PRKN: variants seen among roughly 807,000 people sequenced by gnomAD.
The protein encoded by PRKN is E3 ubiquitin-protein ligase parkin.
In PRKN, 56 loss-of-function variants were observed where a neutral mutation model predicts 59.5. The ratio of observed to expected loss-of-function variants is 0.94; its 90% CI spans 0.76 to 1.18. The LOEUF (loss-of-function observed/expected upper bound fraction) is 1.18. Ranked by LOEUF, PRKN falls within the 50% of genes most tolerant of loss-of-function variation. PRKN has a pLI of 0.00. For synonymous variants in PRKN, 250 were observed against 222.1 expected (o/e 1.13, Z -1.12); for missense variants, 657 against 596.4 (o/e 1.10, Z -1.06).
intron 9 of PRKN, among the ~76,000 whole-genome samples, chr6:161,519,458 T>A (rs1042696106): frequency 4.6e-5 from 7 of 152,032 alleles, no homozygotes; most frequent in African/African-American, 1.7e-4. Flanking sequence ...TAGTAACATA[T>A]CTCCCTCCAA....
At position 161,588,071 on chromosome 6, in the gene PRKN, T is replaced by C. The variant is rs758901952; in HGVS notation, c.872-18655A>G. Among the ~76,000 whole-genome samples, 2 of 152,196 alleles carry C rather than the reference T, an allele frequency of 1.3e-5. No homozygotes were observed. The highest frequency in any genetic ancestry group is 4.8e-5 in the African/African-American group (2 of 41,456). ...TAATAAGACCATGTCAATAGAGCGTTAATTATTAGGATTAAAAATTTACTC... is the reference window on the plus strand; with the variant it reads ...TAATAAGACCATGTCAATAGAGCGTCAATTATTAGGATTAAAAATTTACTC... On this transcript the variant is annotated intron_variant, in intron 7 of 11. Transcript: ENST00000366898. The surrounding 1 kb of genome is among the most constrained non-coding windows in gnomAD (Gnocchi z 5.0).
intron 6 of PRKN, among the ~76,000 whole-genome samples, chr6:161,869,199 C>T (rs540209858): frequency 6.6e-6 from 1 of 152,040 alleles, no homozygotes; most frequent in South Asian, 2.1e-4. Context: ...GCCAACATGA[C>T]GAAACCCCAT....
intron 2 of PRKN, among the ~76,000 whole-genome samples, chr6:162,341,421 G>T (rs1422214730): frequency 2.6e-5 from 4 of 152,192 alleles, no homozygotes; most frequent in African/African-American, 9.6e-5. Context: ...ATACCCAAAG[G>T]ATTATAAATC....
intron 4 of PRKN, among the ~76,000 whole-genome samples, chr6:162,057,614 T>C (rs1777918232): frequency 1.3e-5 from 2 of 152,210 alleles, no homozygotes. Flanking sequence ...TAAATGTGGC[T>C]AGAATGCAGT....
chr6:161,715,711 A>C (rs930469360), intron 7 of PRKN, among the ~76,000 whole-genome samples: 1 of 152,134 alleles, frequency 6.6e-6, no homozygotes, highest in African/African-American at 2.4e-5. Flanking sequence ...GTTAAATCTC[A>C]GCTGACAGAG....
chr6:161,481,282 G>A (rs1208858011), intron 9 of PRKN, among the ~76,000 whole-genome samples: 1 of 152,108 alleles, frequency 6.6e-6, no homozygotes, highest in East Asian at 1.9e-4. Flanking sequence ...ACCCAGTACA[G>A]GGGGCAGAAG....
rs10602359 is a variant in PRKN at position 161,637,712 on chromosome 6, T to TA, written c.872-68297dup. Among the ~76,000 whole-genome samples the TA allele has an allele frequency of 1.6e-3, 236 of 147,906 alleles. 1 individual carries two copies. The highest frequency in any genetic ancestry group is 7.3e-3 in the South Asian group (34 of 4,638). The stretch of plus-strand genomic sequence containing the variant: ...AATAGACTCATTTGCCTTTTATCCT[T>TA]AAAAAAAAAAAAAAAAACTTACAGG... On this transcript the variant is annotated intron_variant, in intron 7 of 11. Transcript: ENST00000366898.
intron 7 of PRKN, among the ~76,000 whole-genome samples, chr6:161,740,543 G>C (rs115388722): frequency 6.6e-6 from 1 of 152,128 alleles, no homozygotes; most frequent in Non-Finnish European, 1.5e-5. Context: ...GGCCTCCCTC[G>C]GTCCCACGTC....
At chr6:162,177,212 T>C (rs1052069813) in intron 4 of PRKN, among the ~76,000 whole-genome samples, 2 of 152,110 alleles carry the variant, frequency 1.3e-5, no homozygotes, top group African/African-American at 2.4e-5. Flanking sequence ...TAGAATATTA[T>C]GCAGTCATAA....
intron 5 of PRKN, among the ~76,000 whole-genome samples, chr6:162,000,651 G>A (rs1345457918): frequency 2.6e-5 from 4 of 151,902 alleles, no homozygotes; most frequent in Admixed American, 2.6e-4. Flanking sequence ...GTTTTGTATT[G>A]TAATAAAATC....
Position 162,680,655 on chromosome 6 carries a change from A to AT in PRKN, c.7+47006dup, listed in dbSNP as rs113933688. ...TAAGATCATAAAGGCTTGTAAATCAATTTTTTTTAAAAACTAAAACATAAA... is the reference window on the plus strand; with the variant it reads ...TAAGATCATAAAGGCTTGTAAATCAATTTTTTTTTAAAAACTAAAACATAAA... On this transcript the variant is annotated intron_variant, in intron 1 of 11. Coordinates refer to ENST00000366898, the MANE Select transcript of PRKN (RefSeq NM_004562.3). 7.3e-3 allele frequency among the ~76,000 whole-genome samples: 1,106 copies of AT among 152,144 alleles called. 10 individuals are homozygous for AT. Among genetic ancestry groups the AT allele is most frequent in the African/African-American group, 0.018 (736 of 41,530 alleles).
At chr6:161,875,002 T>TATAAAGTATATAATATAATAA (rs1562356824) in intron 6 of PRKN, among the ~76,000 whole-genome samples, 1 of 83,606 alleles carries the variant, frequency 1.2e-5, no homozygotes, top group African/African-American at 6.2e-5. Flanking sequence ...ATATATAATA[T>TATAAAGTATATAATATAATAA]ATTATATATT....
intron 4 of PRKN, among the ~76,000 whole-genome samples, chr6:162,164,294 G>A (rs1176745529): frequency 1.3e-5 from 2 of 148,896 alleles, no homozygotes; most frequent in Non-Finnish European, 3.0e-5. Context: ...CACTATCTCG[G>A]CTCTGCAACC....
At chr6:161,543,411 C>T (rs1221271508) in intron 9 of PRKN, among the ~76,000 whole-genome samples, 4 of 152,094 alleles carry the variant, frequency 2.6e-5, no homozygotes, top group Non-Finnish European at 5.9e-5. Context: ...TTTAAGAAAA[C>T]CAATGCAAGA....
intron 1 of PRKN, among the ~76,000 whole-genome samples, chr6:162,546,351 C>T (rs1215273745): frequency 1.3e-5 from 2 of 151,994 alleles, no homozygotes; most frequent in African/African-American, 4.8e-5. Flanking sequence ...GATCCGCCTG[C>T]CTCGGTCTCC....
intron 6 of PRKN, among the ~76,000 whole-genome samples, chr6:161,897,898 C>T (rs113551342): frequency 0.02 from 2,630 of 132,998 alleles, 90 homozygotes; most frequent in African/African-American, 0.07. Context: ...ACCCGGGAGG[C>T]GGAGCTTGCA....
At chr6:162,106,113 G>A (rs931267777) in intron 4 of PRKN, among the ~76,000 whole-genome samples, 2 of 152,210 alleles carry the variant, frequency 1.3e-5, no homozygotes, top group Non-Finnish European at 2.9e-5. Flanking sequence ...GAATACATCA[G>A]AGTTAAAGTA....
At chr6:162,494,249 G>T (rs768720679) in intron 1 of PRKN, among the ~76,000 whole-genome samples, 1 of 152,162 alleles carries the variant, frequency 6.6e-6, no homozygotes, top group South Asian at 2.1e-4. Flanking sequence ...CAGCCTGGGC[G>T]TTGGCATCAG....
chr6:162,354,527 T>A (rs914169752), intron 2 of PRKN, among the ~76,000 whole-genome samples: 1 of 152,022 alleles, frequency 6.6e-6, no homozygotes, highest in African/African-American at 2.4e-5. Flanking sequence ...AAAATATGGA[T>A]CATATGAAGT....
Sources: gnomAD v4.1 joint callset for allele counts (sites outside exome capture counted in the v4.1 genomes callset) on GRCh38, gnomAD v4.1.1 for gene constraint, Gnocchi (gnomAD v3.1) non-coding constraint, MANE v1.5 for transcripts, NCBI Gene and HGNC (gene_info 2026-07-23, HGNC 2026-07-21) for gene names.